Variants in PPP2R2C observed in about 807,000 individuals in gnomAD.
The protein encoded by PPP2R2C is protein phosphatase 2, regulatory subunit B, gamma.
Under a neutral mutation model 45.3 loss-of-function variants are expected in PPP2R2C, and 10 were observed. The ratio of observed to expected loss-of-function variants is 0.22; its 90% CI spans 0.14 to 0.37. The LOEUF (loss-of-function observed/expected upper bound fraction) is 0.37, where lower values mean the gene tolerates loss of function less well. Among genes scored for constraint, PPP2R2C ranks in the 10% least tolerant of loss-of-function variants. The pLI, the probability that PPP2R2C is intolerant of heterozygous loss-of-function variation, is 1.00. For synonymous variants in PPP2R2C, 257 were observed against 245.4 expected (o/e 1.05, Z -0.44); for missense variants, 308 against 619.7 (o/e 0.50, Z 5.34).
intron 2 of PPP2R2C, among the ~76,000 whole-genome samples, chr4:6,521,331 A>G (rs1004076122): frequency 3.3e-5 from 5 of 152,208 alleles, no homozygotes; most frequent in Non-Finnish European, 2.9e-5. Flanking sequence ...GCTACCATCA[A>G]TTAGACACGC....
intron 2 of PPP2R2C, among the ~76,000 whole-genome samples, chr4:6,502,927 T>C (rs1195672270): frequency 6.6e-6 from 1 of 152,010 alleles, no homozygotes; most frequent in Non-Finnish European, 1.5e-5. Context: ...CCGGCCGCTA[T>C]TGCCACCTGC....
intron 4 of PPP2R2C, among the ~76,000 whole-genome samples, chr4:6,373,865 GTGCA>G (rs541162478): frequency 7.2e-5 from 11 of 152,128 alleles, no homozygotes; most frequent in African/African-American, 2.7e-4. Context: ...GCATGTGAGT[GTGCA>G]TGCATGACTG....
rs1477405461 is a variant in PPP2R2C, at chr4:6,400,285, G to C, written c.71-19191C>G. The stretch of plus-strand genomic sequence containing the variant: ...AATCCAACCATCATCTATTAAGCTA[G>C]AGATTAAAGAGATTGATACACACGC... On this transcript the variant is annotated intron_variant, in intron 1 of 8. Coordinates refer to ENST00000382599, the MANE Select transcript of PPP2R2C (RefSeq NM_020416.4). Among the ~76,000 whole-genome samples the C allele has an allele frequency of 2.0e-5, 3 of 152,172 alleles. 1 individual carries two copies. In the Middle Eastern group the frequency reaches 0.01, roughly 518 times the overall value.
At chr4:6,333,487 G>A in intron 7 of PPP2R2C, 75 bp downstream of exon 7, 1 of 1,524,180 alleles carries the variant, frequency 6.6e-7, no homozygotes. Context: ...GCCTGGCTAG[G>A]AAGGCCCCCT....
At chr4:6,490,803 G>A (rs776248829) in intron 2 of PPP2R2C, among the ~76,000 whole-genome samples, 7 of 152,156 alleles carry the variant, frequency 4.6e-5, no homozygotes, top group Admixed American at 6.5e-5. Context: ...CTCCCATGCC[G>A]CACCCTGGGC....
At chr4:6,535,175 C>G in intron 2 of PPP2R2C, 2 of 1,378,312 alleles carry the variant, frequency 1.5e-6, no homozygotes, top group Non-Finnish European at 2.0e-6. Flanking sequence ...CGGCTTCCCG[C>G]TGTCAGGCTG....
intron 1 of PPP2R2C, chr4:6,383,885 C>A: frequency 5.1e-6 from 5 of 989,420 alleles, no homozygotes; most frequent in Non-Finnish European, 6.0e-6. Flanking sequence ...CAGCTCCTGG[C>A]CTGCCCTGGC....
At chr4:6,351,677 T>G (rs1298338742) in intron 5 of PPP2R2C, among the ~76,000 whole-genome samples, 1 of 152,144 alleles carries the variant, frequency 6.6e-6, no homozygotes, top group African/African-American at 2.4e-5. Context: ...GAAAAATCAC[T>G]GTCACGGCCA....
intron 2 of PPP2R2C, among the ~76,000 whole-genome samples, chr4:6,509,566 C>T (rs1723359829): frequency 6.6e-6 from 1 of 152,178 alleles, no homozygotes; most frequent in African/African-American, 2.4e-5. Flanking sequence ...TCCAACCAAA[C>T]TAATCTACCC....
chr4:6,367,096 G>A (rs569645828), intron 5 of PPP2R2C, among the ~76,000 whole-genome samples: 186 of 151,888 alleles, frequency 1.2e-3, no homozygotes, highest in Non-Finnish European at 1.8e-3. Context: ...TTGAACCTTG[G>A]TGACTACACC....
chr4:6,406,368 T>C (rs915819697), intron 1 of PPP2R2C, among the ~76,000 whole-genome samples: 5 of 152,242 alleles, frequency 3.3e-5, no homozygotes, highest in Non-Finnish European at 5.9e-5. Context: ...TTGTCTTCTT[T>C]GCTGCTTCTT....
intron 1 of PPP2R2C, among the ~76,000 whole-genome samples, chr4:6,397,150 C>G (rs1717093786): frequency 6.6e-6 from 1 of 152,234 alleles, no homozygotes; most frequent in Admixed American, 6.5e-5. Context: ...CAAGGGCACC[C>G]CTGTAAGAGA....
In PPP2R2C at chr4:6,330,379, G is replaced by A. The variant is rs1049161938; in HGVS notation, c.961-1026C>T. Among the ~76,000 whole-genome samples the A allele has an allele frequency of 1.3e-5, 2 of 152,220 alleles. No homozygotes were observed. Among genetic ancestry groups the A allele is most frequent in the African/African-American group, 2.4e-5 (1 of 41,462 alleles). On this transcript the variant is annotated intron_variant, in intron 7 of 8. Transcript: ENST00000382599. This position sits in a 1 kb window ranked among gnomAD's most constrained non-coding sequence, Gnocchi z 7.0. ...GTGTGAACGTCAATTTCGTGTGTCA[G>A]CTTGGCTGGGCCAAGGTACCCAGAT...
chr4:6,424,483 G>A (rs1222372301), intron 1 of PPP2R2C, among the ~76,000 whole-genome samples: 2 of 152,228 alleles, frequency 1.3e-5, no homozygotes, highest in African/African-American at 2.4e-5. Flanking sequence ...GCACTGAGGG[G>A]TGACCATAGC....
At chr4:6,473,166 G>A (rs1722006843), upstream of PPP2R2C, among the ~76,000 whole-genome samples, 1 of 152,068 alleles carries the variant, frequency 6.6e-6, no homozygotes, top group South Asian at 2.1e-4. Flanking sequence ...GGGGTGATTG[G>A]GCCTCCCCCA....
chr4:6,376,852 C>T (rs1266069834), intron 3 of PPP2R2C, among the ~76,000 whole-genome samples: 1 of 152,230 alleles, frequency 6.6e-6, no homozygotes, highest in Non-Finnish European at 1.5e-5. Context: ...ATCTCTCATG[C>T]TCTGCTGGCT....
At chr4:6,343,158 G>A (rs867038300) in intron 6 of PPP2R2C, among the ~76,000 whole-genome samples, 9 of 152,308 alleles carry the variant, frequency 5.9e-5, no homozygotes, top group East Asian at 1.9e-4. Flanking sequence ...ATTGGAAAGC[G>A]GCTGCGTGCT....
upstream of PPP2R2C, among the ~76,000 whole-genome samples, chr4:6,476,792 CATGTT>C (rs748815250): frequency 1.9e-4 from 29 of 152,238 alleles, no homozygotes; most frequent in Admixed American, 6.5e-4. Flanking sequence ...GAGAAGCACT[CATGTT>C]ATTTATATAT....
At chr4:6,401,496 C>G (rs1010665490) in intron 1 of PPP2R2C, among the ~76,000 whole-genome samples, 1 of 152,000 alleles carries the variant, frequency 6.6e-6, no homozygotes, top group Non-Finnish European at 1.5e-5. Context: ...GAACAAGATG[C>G]AGCTATTCAG....
Sources: allele counts gnomAD v4.1 joint callset (sites outside exome capture counted in the v4.1 genomes callset), GRCh38; gene constraint gnomAD v4.1.1; non-coding constraint Gnocchi (gnomAD v3.1); transcripts MANE v1.5; gene names NCBI Gene and HGNC (gene_info 2026-07-23, HGNC 2026-07-21).